Variants in SKAP1 observed in about 807,000 individuals in gnomAD.
The protein encoded by SKAP1 is src kinase associated phosphoprotein 1, also known as src kinase-associated phosphoprotein 1.
Under a neutral mutation model 58.5 loss-of-function variants are expected in SKAP1, and 44 were observed. The ratio of observed to expected loss-of-function variants is 0.75; its 90% CI spans 0.59 to 0.97. The LOEUF (loss-of-function observed/expected upper bound fraction) is 0.97, where lower values mean the gene tolerates loss of function less well. Among genes scored for constraint, SKAP1 ranks in the 50% least tolerant of loss-of-function variants. SKAP1 has a pLI of 0.00. For missense variants in SKAP1, 390 were observed against 435.2 expected, an observed-to-expected ratio of 0.90 and a Z score of 0.92; for synonymous variants, 127 against 149.7, an observed-to-expected ratio of 0.85 and a Z score of 1.11.
chr17:48,305,411 C>CTACATCCATCTACGTA (rs1343873263), intron 4 of SKAP1, among the ~76,000 whole-genome samples: 9 of 152,198 alleles, frequency 5.9e-5, no homozygotes, highest in Non-Finnish European at 1.2e-4. Flanking sequence ...TCTAAGGCCA[C>CTACATCCATCTACGTA]TTGCACACTA....
intron 4 of SKAP1, among the ~76,000 whole-genome samples, chr17:48,324,133 A>G (rs756988155): frequency 1.3e-5 from 2 of 152,094 alleles, no homozygotes; most frequent in African/African-American, 2.4e-5. Flanking sequence ...ACAAAGGGGA[A>G]AAAAAAGCAA....
chr17:48,310,357 T>C (rs991661729), intron 4 of SKAP1, among the ~76,000 whole-genome samples: 6 of 152,236 alleles, frequency 3.9e-5, no homozygotes, highest in Non-Finnish European at 8.8e-5. Flanking sequence ...ACTGGTTTGT[T>C]GTCCTTCTGT....
intron 4 of SKAP1, among the ~76,000 whole-genome samples, chr17:48,343,527 A>G (rs1244800520): frequency 2.0e-5 from 3 of 149,372 alleles, no homozygotes; most frequent in South Asian, 4.2e-4. Context: ...TACCTCTACC[A>G]TTGACTATGT....
intron 4 of SKAP1, among the ~76,000 whole-genome samples, chr17:48,320,933 T>C (rs2066354404): frequency 6.6e-6 from 1 of 152,222 alleles, no homozygotes; most frequent in South Asian, 2.1e-4. Context: ...TCTTTCTGTT[T>C]CTGGTGGAAA....
chr17:48,231,504 AAT>A (rs538047858), intron 4 of SKAP1, among the ~76,000 whole-genome samples: 11 of 151,962 alleles, frequency 7.2e-5, no homozygotes, highest in Admixed American at 7.2e-4. Context: ...AAGGGTACTA[AAT>A]ACTCTATGTA....
At chr17:48,209,929 T>G (rs138003755) in intron 4 of SKAP1, among the ~76,000 whole-genome samples, 3 of 152,326 alleles carry the variant, frequency 2.0e-5, no homozygotes, top group Non-Finnish European at 4.4e-5. Context: ...ATTCCATCAT[T>G]TGGGGCCCAT....
chr17:48,198,454 C>CAA (rs55958821), intron 4 of SKAP1, among the ~76,000 whole-genome samples: 1,388 of 49,896 alleles, frequency 0.028, 191 homozygotes, highest in African/African-American at 0.084. Flanking sequence ...GACTCCGTCT[C>CAA]AAAAAAAAAA....
At chr17:48,185,451 A>G (rs1037993192) in intron 6 of SKAP1, among the ~76,000 whole-genome samples, 2 of 152,178 alleles carry the variant, frequency 1.3e-5, no homozygotes, top group African/African-American at 4.8e-5. Context: ...TTAGATGACG[A>G]GGAAGGAGAT....
chr17:48,333,474 C>A (rs1288202438), intron 4 of SKAP1, among the ~76,000 whole-genome samples: 1 of 152,084 alleles, frequency 6.6e-6, no homozygotes, highest in Admixed American at 6.5e-5. Flanking sequence ...TTGATAGGAA[C>A]TTTTCCACCA....
At chr17:48,421,965 C>T (rs2067799818) in intron 1 of SKAP1, among the ~76,000 whole-genome samples, 1 of 152,120 alleles carries the variant, frequency 6.6e-6, no homozygotes, top group Non-Finnish European at 1.5e-5. Context: ...GTAATCTCAG[C>T]ACTTTGGGAG....
intron 1 of SKAP1, among the ~76,000 whole-genome samples, chr17:48,424,428 T>A (rs1397716676): frequency 6.6e-6 from 1 of 151,284 alleles, no homozygotes; most frequent in Non-Finnish European, 1.5e-5. Context: ...GGTTTCACCG[T>A]GTTAGCCAGG....
At chr17:48,316,662 C>A (rs1467362139) in intron 4 of SKAP1, among the ~76,000 whole-genome samples, 1 of 152,154 alleles carries the variant, frequency 6.6e-6, no homozygotes, top group African/African-American at 2.4e-5. Flanking sequence ...TAAGGTCGTG[C>A]ACATAGTAGG....
In SKAP1 at chr17:48,389,293, G is replaced by T. The variant is rs146410607; in HGVS notation, c.152+7387C>A. 4.6e-3 allele frequency among the ~76,000 whole-genome samples: 695 copies of T among 152,078 alleles called. 10 individuals are homozygous for T. Among genetic ancestry groups the T allele is most frequent in the African/African-American group, 0.016 (653 of 41,522 alleles). On this transcript the variant is annotated intron_variant, in intron 2 of 12. Coordinates refer to ENST00000336915, the MANE Select transcript of SKAP1 (RefSeq NM_003726.4). ...ATAGCACCTCTTTTATGAGCTGTTT[G>T]TTCCCCTACACTATTTTTTTTTTCT...
At chr17:48,307,754 T>C (rs1211519080) in intron 4 of SKAP1, 1 of 152,230 alleles carries the variant, frequency 6.6e-6, no homozygotes, top group Non-Finnish European at 1.5e-5. Context: ...CCAATTTTTT[T>C]GTGTGGGGGT....
chr17:48,372,247 C>T (rs2067097127), intron 2 of SKAP1, among the ~76,000 whole-genome samples: 1 of 152,170 alleles, frequency 6.6e-6, no homozygotes, highest in Admixed American at 6.5e-5. Context: ...GCTGGGATTA[C>T]AGGCATGAGC....
intron 3 of SKAP1, among the ~76,000 whole-genome samples, chr17:48,348,357 AAAAG>A (rs1359339202): frequency 2.0e-5 from 3 of 150,594 alleles, no homozygotes; most frequent in Admixed American, 1.3e-4. Flanking sequence ...AAAAAAAAAG[AAAAG>A]AAAGAAAAGA....
At chr17:48,404,347 G>A (rs555623035) in intron 1 of SKAP1, among the ~76,000 whole-genome samples, 26 of 152,124 alleles carry the variant, frequency 1.7e-4, no homozygotes, top group African/African-American at 5.3e-4. Context: ...AGCTACTCCC[G>A]AGGCTGAGGC....
At chr17:48,306,245 A>G (rs1405402940) in intron 4 of SKAP1, among the ~76,000 whole-genome samples, 1 of 152,194 alleles carries the variant, frequency 6.6e-6, no homozygotes, top group Non-Finnish European at 1.5e-5. Flanking sequence ...TGTTATTCCC[A>G]GTATAACATA....
chr17:48,294,481 A>G (rs1020925827), intron 4 of SKAP1: 10 of 152,212 alleles, frequency 6.6e-5, no homozygotes, highest in African/African-American at 9.6e-5. Flanking sequence ...ACATAAGCAT[A>G]TAGGAGAAAG....
Sources: allele counts gnomAD v4.1 joint callset (sites outside exome capture counted in the v4.1 genomes callset), GRCh38; gene constraint gnomAD v4.1.1; transcripts MANE v1.5; gene names NCBI Gene and HGNC (gene_info 2026-07-23, HGNC 2026-07-21).